ADAMTSL1: variants seen among roughly 807,000 people sequenced by gnomAD.
ADAMTSL1 encodes the protein ADAMTS like 1, also known as ADAMTS-like protein 1.
A neutral mutation model predicts 201.8 loss-of-function variants in ADAMTSL1; 126 were observed. The ratio of observed to expected loss-of-function variants is 0.62; its 90% confidence interval spans 0.54 to 0.72. The LOEUF is 0.72. ADAMTSL1 is among the 30% of genes least tolerant of loss of function. The pLI, the probability that ADAMTSL1 is intolerant of heterozygous loss-of-function variation, is 0.00. For synonymous variants in ADAMTSL1, 1,121 were observed against 903.4 expected (o/e 1.24, Z -4.32); for missense variants, 2,679 against 2,277.8 (o/e 1.18, Z -3.59).
intron 2 of ADAMTSL1, among the ~76,000 whole-genome samples, chr9:18,266,510 A>G (rs532461573): frequency 5.9e-5 from 9 of 152,316 alleles, no homozygotes; most frequent in East Asian, 5.8e-4. Flanking sequence ...TGTCTTAGGA[A>G]CTATTGAGTG....
At position 18,021,957 on chromosome 9, in the gene ADAMTSL1, G is replaced by T. The variant is rs182701879; in HGVS notation, c.87+115035G>T. Reference sequence around the variant, plus strand: ...TTTCTAAAGAATGTTCATAATGAAAGCTCATTGGCTTAGACCTCAGCTCTA... The same window carrying T: ...TTTCTAAAGAATGTTCATAATGAAATCTCATTGGCTTAGACCTCAGCTCTA... On this transcript the variant is annotated intron_variant, in intron 1 of 29. Coordinates refer to the ADAMTSL1 transcript ENST00000680146. 2.0e-5 allele frequency among the ~76,000 whole-genome samples: 3 copies of T among 152,270 alleles called. No individual in the cohort carries two copies. In the East Asian group the frequency reaches 5.8e-4, roughly 29 times the overall value.
At chr9:18,670,375 G>C (rs1279804440) in intron 9 of ADAMTSL1, among the ~76,000 whole-genome samples, 2 of 152,190 alleles carry the variant, frequency 1.3e-5, no homozygotes, top group Non-Finnish European at 2.9e-5. Context: ...AAAAGATACA[G>C]AGGTAACCTA....
At chr9:18,447,688 T>A (rs1820247094) in intron 2 of ADAMTSL1, among the ~76,000 whole-genome samples, 1 of 152,216 alleles carries the variant, frequency 6.6e-6, no homozygotes, top group Admixed American at 6.5e-5. Context: ...GGGAGCTCTT[T>A]GCTAGACCCT....
rs959723999 is a variant in ADAMTSL1, at chr9:18,739,779, T to A, written c.2007-13519T>A. Among the ~76,000 whole-genome samples the A allele has an allele frequency of 3.3e-5, 5 of 152,312 alleles. No homozygotes were observed. The East Asian group carries it at 7.7e-4, about 24-fold the overall frequency. ...CCCCATATCCTGTGAATAGAACATCTGTGTGAATAGGAAGCCTGTGCAAAC... is the reference window on the plus strand; with the variant it reads ...CCCCATATCCTGTGAATAGAACATCAGTGTGAATAGGAAGCCTGTGCAAAC... On this transcript the variant is annotated intron_variant, in intron 15 of 28. Coordinates refer to ENST00000380548, the MANE Select transcript of ADAMTSL1 (RefSeq NM_001040272.6).
At chr9:18,648,252 C>T (rs1436437628) in intron 7 of ADAMTSL1, among the ~76,000 whole-genome samples, 1 of 141,798 alleles carries the variant, frequency 7.1e-6, no homozygotes, top group African/African-American at 2.5e-5. Flanking sequence ...AGATCTTCCT[C>T]CATCCTTTTA....
chr9:18,094,066 T>C (rs530018922), intron 1 of ADAMTSL1, among the ~76,000 whole-genome samples: 6 of 152,184 alleles, frequency 3.9e-5, no homozygotes, highest in Admixed American at 1.3e-4. Context: ...CCAGTTTTCG[T>C]TGAGTAATGT....
At chr9:18,888,650 C>T (rs1300701116) in intron 24 of ADAMTSL1, among the ~76,000 whole-genome samples, 1 of 152,122 alleles carries the variant, frequency 6.6e-6, no homozygotes, top group Non-Finnish European at 1.5e-5. Flanking sequence ...AAATGAGGCC[C>T]AATCAGTGGG....
At chr9:18,250,344 A>T (rs1831415192) in intron 2 of ADAMTSL1, among the ~76,000 whole-genome samples, 1 of 152,036 alleles carries the variant, frequency 6.6e-6, no homozygotes, top group Non-Finnish European at 1.5e-5. Context: ...TAGGGACAGG[A>T]TTGAATGCCT....
At chr9:18,208,664 G>A (rs747679331) in intron 2 of ADAMTSL1, among the ~76,000 whole-genome samples, 1 of 152,206 alleles carries the variant, frequency 6.6e-6, no homozygotes, top group Non-Finnish European at 1.5e-5. Context: ...GAGGGGATAA[G>A]TGATCTGACT....
At chr9:18,669,979 A>G (rs764475891) in intron 9 of ADAMTSL1, among the ~76,000 whole-genome samples, 1 of 152,072 alleles carries the variant, frequency 6.6e-6, no homozygotes, top group Admixed American at 6.6e-5. Context: ...ATGCTTTGCT[A>G]CTCACGAAAT....
rs367771797 is a variant in ADAMTSL1 at position 18,034,280 on chromosome 9, G to C, written c.87+127358G>C. The stretch of plus-strand genomic sequence containing the variant: ...CATTTCCTGGGCCTTCTTTAGCTTG[G>C]CATCTGCCCTGTGGCTCCACTGAAA... On this transcript the variant is annotated intron_variant, in intron 1 of 29. Transcript: ENST00000680146. Among the ~76,000 whole-genome samples, 234 of 151,904 alleles carry C rather than the reference G, an allele frequency of 1.5e-3. 7 individuals carry two copies. The South Asian group carries it at 0.048, about 31-fold the overall frequency.
intron 1 of ADAMTSL1, among the ~76,000 whole-genome samples, chr9:18,494,822 C>T (rs1197426863): frequency 1.3e-5 from 2 of 152,148 alleles, no homozygotes; most frequent in Admixed American, 6.5e-5. Context: ...GAGTTCATAG[C>T]CCACCTGGCA....
At chr9:18,316,052 G>T (rs1834380804) in intron 2 of ADAMTSL1, among the ~76,000 whole-genome samples, 1 of 152,208 alleles carries the variant, frequency 6.6e-6, no homozygotes, top group Non-Finnish European at 1.5e-5. Context: ...CATGTCGGTA[G>T]GTTCCGTGAT....
intron 2 of ADAMTSL1, among the ~76,000 whole-genome samples, chr9:18,217,197 G>C (rs572712265): frequency 6.6e-6 from 1 of 152,100 alleles, no homozygotes; most frequent in Non-Finnish European, 1.5e-5. Context: ...TTAGGCCCTG[G>C]GTTCCACAGA....
intron 15 of ADAMTSL1, among the ~76,000 whole-genome samples, chr9:18,747,368 C>T (rs1375635159): frequency 6.6e-6 from 1 of 151,966 alleles, no homozygotes; most frequent in East Asian, 1.9e-4. Flanking sequence ...GCTGAGACCT[C>T]AGTGAATGAG....
intron 4 of ADAMTSL1, among the ~76,000 whole-genome samples, chr9:18,621,406 C>T (rs1376047236): frequency 6.6e-6 from 1 of 152,086 alleles, no homozygotes; most frequent in East Asian, 1.9e-4. Flanking sequence ...AGACTCATGG[C>T]CTCAACTATA....
chr9:17,934,189 A>G (rs1190639654), intron 1 of ADAMTSL1, among the ~76,000 whole-genome samples: 1 of 152,186 alleles, frequency 6.6e-6, no homozygotes, highest in Non-Finnish European at 1.5e-5. Flanking sequence ...TTGTGCATAC[A>G]TAGGTAAGAT....
chr9:18,777,739 C>T lies in ADAMTSL1; in HGVS notation c.3510C>T (p.Ile1170=). 2 of 1,613,688 alleles carry T rather than the reference C, an allele frequency of 1.2e-6. No individual in the cohort carries two copies. Among genetic ancestry groups the T allele is most frequent in the Non-Finnish European group, 1.7e-6 (2 of 1,179,820 alleles). Reference sequence around the variant, plus strand: ...GCAAGCCCACCATCCTGCGCAAGATCTCAGCGGCCCAGCAGCTCTCAGCCT... The same window carrying T: ...GCAAGCCCACCATCCTGCGCAAGATTTCAGCGGCCCAGCAGCTCTCAGCCT... The part of the protein sequence containing the change: ...PHRKPTILRK[I]SAAQQLSASE... Residue 1170 remains isoleucine (I), a synonymous_variant, in exon 19 of 29, where the codon ATC becomes ATT. Coordinates refer to ENST00000380548, the MANE Select transcript of ADAMTSL1 (RefSeq NM_001040272.6).
intron 2 of ADAMTSL1, among the ~76,000 whole-genome samples, chr9:18,311,134 C>G (rs958682964): frequency 6.6e-6 from 1 of 151,512 alleles, no homozygotes; most frequent in Non-Finnish European, 1.5e-5. Flanking sequence ...TCTTCTCACT[C>G]ATAAGTGGGA....
Sources: gnomAD v4.1 joint callset for allele counts (sites outside exome capture counted in the v4.1 genomes callset) on GRCh38, gnomAD v4.1.1 for gene constraint, MANE v1.5 for transcripts, NCBI Gene and HGNC (gene_info 2026-07-23, HGNC 2026-07-21) for gene names.